The following PCDH15 variants were observed in gnomAD, a reference collection of about 807,000 sequenced individuals.
The protein encoded by PCDH15 is protocadherin-15.
In PCDH15, 129 loss-of-function variants were observed where a neutral mutation model predicts 178.5. The observed-to-expected ratio is 0.72, with a 90% confidence interval of 0.63 to 0.84. The LOEUF is 0.84. Ranked by LOEUF, PCDH15 falls within the 40% of genes least tolerant of loss-of-function variation. The pLI is 0.00. For missense variants in PCDH15, 2,230 were observed against 2,099.9 expected (o/e 1.06, Z -1.21); for synonymous variants, 800 against 732.0 (o/e 1.09, Z -1.50).
intron 2 of PCDH15, among the ~76,000 whole-genome samples, chr10:54,543,514 C>A (rs569140787): frequency 1.3e-5 from 2 of 152,172 alleles, no homozygotes; most frequent in East Asian, 1.9e-4. Context: ...ACAAGGGAAC[C>A]TTTCCCATTT....
At chr10:55,625,450 C>T (rs1837506028) in intron 2 of PCDH15, among the ~76,000 whole-genome samples, 1 of 152,162 alleles carries the variant, frequency 6.6e-6, no homozygotes, top group African/African-American at 2.4e-5. Flanking sequence ...ACTTCTTGAA[C>T]TAGCAGAACT....
intron 3 of PCDH15, among the ~76,000 whole-genome samples, chr10:54,464,890 G>A (rs1180292264): frequency 6.6e-6 from 1 of 152,110 alleles, no homozygotes; most frequent in Non-Finnish European, 1.5e-5. Flanking sequence ...CTAAGCTAAG[G>A]GAGGAAGGAG....
chr10:54,261,988 C>A (rs755617198), intron 8 of PCDH15, among the ~76,000 whole-genome samples: 3 of 152,244 alleles, frequency 2.0e-5, no homozygotes, highest in Non-Finnish European at 4.4e-5. Flanking sequence ...CACTAGACAC[C>A]AGGACTGGCC....
chr10:54,794,480 C>T (rs567422539), intron 1 of PCDH15, among the ~76,000 whole-genome samples: 5 of 151,822 alleles, frequency 3.3e-5, no homozygotes, highest in African/African-American at 1.2e-4. Flanking sequence ...GAAATGTTTG[C>T]TGTCATTTTT....
chr10:55,064,585 C>G (rs1055698573), intron 2 of PCDH15, among the ~76,000 whole-genome samples: 3 of 151,288 alleles, frequency 2.0e-5, no homozygotes, highest in African/African-American at 7.3e-5. Context: ...TAAAATATAA[C>G]TTTTTTTTTC....
chr10:54,889,012 T>C (rs1954412407), intron 3 of PCDH15, among the ~76,000 whole-genome samples: 1 of 151,856 alleles, frequency 6.6e-6, no homozygotes, highest in Non-Finnish European at 1.5e-5. Flanking sequence ...GTGTTATTAA[T>C]GATGTCTCCA....
chr10:55,125,335 G>C (rs1398519131), intron 2 of PCDH15, among the ~76,000 whole-genome samples: 3 of 151,936 alleles, frequency 2.0e-5, no homozygotes, highest in Non-Finnish European at 4.4e-5. Context: ...ATGTGTAAAG[G>C]GTTTAGGCAT....
At chr10:55,102,053 T>G (rs1842587043) in intron 2 of PCDH15, among the ~76,000 whole-genome samples, 1 of 152,092 alleles carries the variant, frequency 6.6e-6, no homozygotes, top group Non-Finnish European at 1.5e-5. Context: ...TTTTTGAGTA[T>G]GTTTTAGGAC....
intron 1 of PCDH15, among the ~76,000 whole-genome samples, chr10:55,198,713 G>C (rs1392530868): frequency 6.7e-6 from 1 of 150,344 alleles, no homozygotes; most frequent in African/African-American, 2.5e-5. Context: ...TCGATCTCCT[G>C]ACCTCCGCAT....
At position 54,989,762 on chromosome 10, in the gene PCDH15, T is replaced by C. The variant is rs185612824; in HGVS notation, c.-79-92262A>G. On this transcript the variant is annotated intron_variant, in intron 2 of 5. Transcript: ENST00000458638. ...GGGAATGTTGGGAAAGCATGATTGG[T>C]TTTGAAATGTGAGGAAATGCCATTT... is the stretch of plus-strand genomic sequence containing the variant. Among the ~76,000 whole-genome samples, 26 of 152,144 alleles carry C rather than the reference T, an allele frequency of 1.7e-4. No individual in the cohort carries two copies. The East Asian group carries it at 5.0e-3, about 29-fold the overall frequency.
intron 8 of PCDH15, among the ~76,000 whole-genome samples, chr10:54,261,913 T>C (rs987158442): frequency 1.3e-5 from 2 of 152,046 alleles, no homozygotes; most frequent in East Asian, 3.9e-4. Context: ...ACACTGAAAG[T>C]TGATACAGAG....
rs150739462 is a variant in PCDH15, at chr10:54,497,926, G to T, written c.157+29886C>A. 1.7e-3 allele frequency among the ~76,000 whole-genome samples: 258 copies of T among 152,138 alleles called. 1 individual carries two copies. The highest frequency in any genetic ancestry group is 5.9e-3 in the African/African-American group (245 of 41,526). On this transcript the variant is annotated intron_variant, in intron 3 of 37. Transcript: ENST00000644397. ...AAATTTCTCCAACTTGCTAGAGGGG[G>T]TGACATGACAATTTAGGAAACTCAG...
chr10:54,892,159 C>G (rs1954474500), intron 3 of PCDH15, among the ~76,000 whole-genome samples: 1 of 151,954 alleles, frequency 6.6e-6, no homozygotes, highest in Non-Finnish European at 1.5e-5. Context: ...TTTTTTCATT[C>G]AAAAGAGACC....
intron 2 of PCDH15, among the ~76,000 whole-genome samples, chr10:54,562,288 G>T (rs2133383239): frequency 6.6e-6 from 1 of 152,210 alleles, no homozygotes; most frequent in Admixed American, 6.5e-5. Flanking sequence ...ACTGTGCCTG[G>T]CCTATCAATG....
intron 1 of PCDH15, among the ~76,000 whole-genome samples, chr10:55,317,531 A>G (rs1305726862): frequency 6.6e-6 from 1 of 152,040 alleles, no homozygotes; most frequent in African/African-American, 2.4e-5. Flanking sequence ...GTTATAGTCT[A>G]TAATGAACTT....
intron 2 of PCDH15, among the ~76,000 whole-genome samples, chr10:55,569,315 G>A (rs1284667561): frequency 6.6e-6 from 1 of 151,944 alleles, no homozygotes; most frequent in East Asian, 1.9e-4. Flanking sequence ...GACCTTTACT[G>A]CAGATGGAAA....
chr10:53,829,083 A>G (rs947152894), intron 30 of PCDH15, among the ~76,000 whole-genome samples: 5 of 152,210 alleles, frequency 3.3e-5, no homozygotes, highest in African/African-American at 4.8e-5. Flanking sequence ...CATTCATAGA[A>G]AAGTTCAAAG....
At chr10:54,963,554 T>A (rs1838709546) in intron 2 of PCDH15, among the ~76,000 whole-genome samples, 1 of 152,324 alleles carries the variant, frequency 6.6e-6, no homozygotes. Flanking sequence ...ATGATAAGTT[T>A]GTTTCATCAT....
At chr10:54,324,899 A>G (rs1199198720) in intron 7 of PCDH15, among the ~76,000 whole-genome samples, 3 of 152,148 alleles carry the variant, frequency 2.0e-5, no homozygotes, top group Admixed American at 6.5e-5. Context: ...TTTGCTTTGA[A>G]GAAAAATGAT....
Sources: allele counts gnomAD v4.1 joint callset (sites outside exome capture counted in the v4.1 genomes callset), GRCh38; gene constraint gnomAD v4.1.1; transcripts MANE v1.5; gene names NCBI Gene and HGNC (gene_info 2026-07-23, HGNC 2026-07-21).